The following LGR5 variants were observed in gnomAD, a reference collection of about 807,000 sequenced individuals.
The protein encoded by LGR5 is leucine rich repeat containing G protein-coupled receptor 5.
In LGR5, 54 loss-of-function variants were observed where a neutral mutation model predicts 76.7. The ratio of observed to expected loss-of-function variants is 0.70; its 90% confidence interval spans 0.57 to 0.88. The LOEUF (loss-of-function observed/expected upper bound fraction) is 0.88. Among genes scored for constraint, LGR5 ranks in the 40% least tolerant of loss-of-function variants. The pLI, the probability that LGR5 is intolerant of heterozygous loss-of-function variation, is 0.00. For synonymous variants in LGR5, 406 were observed against 421.9 expected (o/e 0.96, Z 0.46); for missense variants, 1,078 against 1,073.3 (o/e 1.00, Z -0.06).
Position 71,584,031 on chromosome 12 carries a change from C to T in LGR5, c.2021C>T (p.Thr674Met), listed in dbSNP as rs148090210. The T allele has an allele frequency of 4.9e-4, 793 of 1,614,192 alleles. 2 individuals are homozygous for T. Among genetic ancestry groups the T allele is most frequent in the Admixed American group, 1.0e-3 (63 of 60,034 alleles). ...FSVKYSAKFE[T>M]KAPFSSLKVI... Reference sequence around the variant, plus strand: ...GTGAAATATTCTGCAAAATTTGAAACGAAAGCTCCATTTTCTAGCCTGAAA... The same window carrying T: ...GTGAAATATTCTGCAAAATTTGAAATGAAAGCTCCATTTTCTAGCCTGAAA... Residue 674 changes from threonine (T) to methionine (M), a missense_variant, in exon 18 of 18, where the codon ACG becomes ATG. Thr to Met is a moderately conservative substitution (Grantham distance 81, BLOSUM62 -1). Transcript: ENST00000266674.
intron 1 of LGR5, among the ~76,000 whole-genome samples, chr12:71,464,685 G>A (rs756112257): frequency 1.1e-4 from 17 of 152,064 alleles, no homozygotes; most frequent in African/African-American, 2.9e-4. Flanking sequence ...AGTTTCAACC[G>A]GCTACAGGAT....
chr12:71,549,558 A>C lies in LGR5; in HGVS notation c.429-3515A>C, dbSNP rs545747273. ...ATCAAAACATCACATTGTACACCATAAATATATGCAATTTTTATTTGTCAA... is the reference window on the plus strand; with the variant it reads ...ATCAAAACATCACATTGTACACCATCAATATATGCAATTTTTATTTGTCAA... On this transcript the variant is annotated intron_variant, in intron 4 of 17. Coordinates refer to ENST00000266674, the MANE Select transcript of LGR5 (RefSeq NM_003667.4). Among the ~76,000 whole-genome samples the C allele has an allele frequency of 4.6e-5, 7 of 152,314 alleles. No individual in the cohort carries two copies. In the East Asian group the frequency reaches 9.7e-4, roughly 21 times the overall value.
chr12:71,577,150 C>T (rs533516332), intron 13 of LGR5, among the ~76,000 whole-genome samples: 1 of 152,320 alleles, frequency 6.6e-6, no homozygotes, highest in Non-Finnish European at 1.5e-5. Flanking sequence ...TCAGTTCTCT[C>T]AAATGCCTAC....
At chr12:71,565,437 TATATATAG>T (rs66739314) in intron 8 of LGR5, among the ~76,000 whole-genome samples, 127,758 of 144,630 alleles carry the variant, frequency 0.88, 58,089 homozygotes, top group East Asian at 1. Flanking sequence ...TATATATATA[TATATATAG>T]CTCATATATA....
chr12:71,454,702 G>A (rs1364083874), intron 1 of LGR5, among the ~76,000 whole-genome samples: 3 of 151,944 alleles, frequency 2.0e-5, no homozygotes, highest in African/African-American at 7.2e-5. Context: ...GCTCCACTGT[G>A]GAGCTGGCTC....
chr12:71,480,216 T>C (rs1182140145), intron 1 of LGR5, among the ~76,000 whole-genome samples: 2 of 151,740 alleles, frequency 1.3e-5, no homozygotes, highest in Non-Finnish European at 2.9e-5. Context: ...ATACAAAAAT[T>C]ACCCGGATGT....
chr12:71,453,065 T>C (rs546800448), intron 1 of LGR5, among the ~76,000 whole-genome samples: 1 of 152,278 alleles, frequency 6.6e-6, no homozygotes, highest in East Asian at 1.9e-4. Flanking sequence ...GTAATTTTCA[T>C]TAAACAAGAT....
In LGR5 at chr12:71,553,998, G is replaced by A. The variant is rs139594024; in HGVS notation, c.644+710G>A. Among the ~76,000 whole-genome samples, 38 of 152,208 alleles carry A rather than the reference G, an allele frequency of 2.5e-4. No individual in the cohort carries two copies. In the East Asian group the frequency reaches 4.3e-3, roughly 17 times the overall value. On this transcript the variant is annotated intron_variant, in intron 5 of 17. Coordinates refer to ENST00000266674, the MANE Select transcript of LGR5 (RefSeq NM_003667.4). Reference sequence around the variant, plus strand: ...CCCAGCTACTAGGGAGGCTGAGGCCGGAGGATCAATTGAACCCAGGTTGCA... The same window carrying A: ...CCCAGCTACTAGGGAGGCTGAGGCCAGAGGATCAATTGAACCCAGGTTGCA...
chr12:71,511,282 G>A (rs1031260154), intron 2 of LGR5, among the ~76,000 whole-genome samples: 8 of 152,198 alleles, frequency 5.3e-5, no homozygotes, highest in Admixed American at 2.0e-4. Flanking sequence ...TCCCTGGACA[G>A]TGGTGCACTG....
intron 2 of LGR5, among the ~76,000 whole-genome samples, chr12:71,508,921 G>A (rs1417902526): frequency 6.6e-6 from 1 of 151,980 alleles, no homozygotes; most frequent in Admixed American, 6.6e-5. Flanking sequence ...TTTCAGTCTT[G>A]TTTTTTATTT....
chr12:71,475,512 G>A (rs79141664), intron 1 of LGR5, among the ~76,000 whole-genome samples: 3 of 152,254 alleles, frequency 2.0e-5, no homozygotes, highest in South Asian at 2.1e-4. Flanking sequence ...CTAATGGGTC[G>A]TGTTGCAACA....
chr12:71,460,792 G>A (rs1434757262), intron 1 of LGR5, among the ~76,000 whole-genome samples: 8 of 151,936 alleles, frequency 5.3e-5, no homozygotes, highest in Non-Finnish European at 1.0e-4. Flanking sequence ...ATTTCATCCC[G>A]CCTTACACAG....
At position 71,580,437 on chromosome 12, in the gene LGR5, T is replaced by C. The variant is rs777483580; in HGVS notation, c.1552+14T>C. The C allele has an allele frequency of 2.8e-5, 45 of 1,607,964 alleles. No homozygotes were observed. Among genetic ancestry groups the C allele is most frequent in the Non-Finnish European group, 3.6e-5 (42 of 1,177,350 alleles). ...TTCAGGCTCAAGGTAGGACTTGCTA[T>C]GCCATGGTAATGAAATTGTGTTGTG... On this transcript the variant is annotated intron_variant, in intron 16 of 17. Transcript: ENST00000266674.
rs372157495 is a variant in LGR5, at chr12:71,539,426, CA to C, written c.428+4244del. On this transcript the variant is annotated intron_variant, in intron 4 of 17. Coordinates refer to ENST00000266674, the MANE Select transcript of LGR5 (RefSeq NM_003667.4). ...TAATTTTCCACTTATTCCACATATA[CA>C]AAAGATGTTTTGTTCATAATGGAAA... 7.7e-3 allele frequency among the ~76,000 whole-genome samples: 1,171 copies of C among 152,266 alleles called. 13 individuals carry two copies. The highest frequency in any genetic ancestry group is 0.026 in the African/African-American group (1,074 of 41,552).
chr12:71,456,167 T>C (rs1231249945), intron 1 of LGR5, among the ~76,000 whole-genome samples: 2 of 152,122 alleles, frequency 1.3e-5, no homozygotes, highest in Non-Finnish European at 2.9e-5. Flanking sequence ...TTTATTCCAG[T>C]CTTACATTAA....
intron 1 of LGR5, among the ~76,000 whole-genome samples, chr12:71,487,672 G>A (rs1040164540): frequency 4.6e-5 from 7 of 152,212 alleles, no homozygotes; most frequent in African/African-American, 1.2e-4. Flanking sequence ...CTTAGCCTCC[G>A]AGGGATTGTG....
At chr12:71,522,078 G>C (rs544055691) in intron 2 of LGR5, among the ~76,000 whole-genome samples, 6 of 152,270 alleles carry the variant, frequency 3.9e-5, no homozygotes, top group East Asian at 3.9e-4. Flanking sequence ...AAGGGCTAGA[G>C]GGGGGAATGT....
chr12:71,470,726 C>T (rs1027230510), intron 1 of LGR5, among the ~76,000 whole-genome samples: 2 of 152,186 alleles, frequency 1.3e-5, no homozygotes, highest in African/African-American at 2.4e-5. Flanking sequence ...TAGGCAGGCT[C>T]AACTTTCTGC....
At chr12:71,566,579 T>A in intron 9 of LGR5, 53 bp from the exon 10 acceptor site, 1 of 1,550,252 alleles carries the variant, frequency 6.5e-7, no homozygotes, top group Non-Finnish European at 8.9e-7. Context: ...GCAATAAAAA[T>A]TACCCCTGTC....
Sources: allele counts gnomAD v4.1 joint callset (sites outside exome capture counted in the v4.1 genomes callset), GRCh38; gene constraint gnomAD v4.1.1; transcripts MANE v1.5; gene names NCBI Gene and HGNC (gene_info 2026-07-23, HGNC 2026-07-21).